The following DLG5 variants were observed in gnomAD, a reference collection of about 807,000 sequenced individuals.
DLG5 encodes discs large MAGUK scaffold protein 5.
DLG5 carries 48 observed loss-of-function variants against 189.8 expected under a neutral mutation model. The ratio of observed to expected loss-of-function variants is 0.25; its 90% confidence interval spans 0.20 to 0.32. The LOEUF (loss-of-function observed/expected upper bound fraction) is 0.32, where lower values mean the gene tolerates loss of function less well. Among genes scored for constraint, DLG5 ranks in the 10% least tolerant of loss-of-function variants. DLG5 has a pLI of 1.00. For synonymous variants in DLG5, 1,016 were observed against 1,054.1 expected (o/e 0.96, Z 0.70); for missense variants, 2,160 against 2,544.7 (o/e 0.85, Z 3.25).
chr10:77,852,396 G>A (rs1844023223), intron 5 of DLG5, among the ~76,000 whole-genome samples: 1 of 150,044 alleles, frequency 6.7e-6, no homozygotes, highest in African/African-American at 2.5e-5. Flanking sequence ...TAAAATAACA[G>A]GAATCACATT....
At chr10:77,935,091 C>T in the DLG5 span, among the ~76,000 whole-genome samples, 2 of 151,990 alleles carry the variant, frequency 1.3e-5, no homozygotes, top group Non-Finnish European at 2.9e-5. Context: ...CTCCTGACCT[C>T]GTGATCCGCC....
intron 1 of DLG5, among the ~76,000 whole-genome samples, chr10:77,871,663 C>T (rs571047650): frequency 1.3e-5 from 2 of 151,512 alleles, no homozygotes; most frequent in South Asian, 4.2e-4. Flanking sequence ...CTGCCCCAGC[C>T]TCCTGAGTAG....
upstream of DLG5, chr10:77,927,859 C>T (rs1425441898): frequency 1.3e-5 from 2 of 152,220 alleles, no homozygotes; most frequent in Non-Finnish European, 2.9e-5. Flanking sequence ...ACTCTGACTG[C>T]GCTCAGTGAT....
At position 77,805,723 on chromosome 10, in the gene DLG5, G is replaced by A. The variant is rs112842364; in HGVS notation, c.5106C>T (p.Asp1702=). ...CATCCAAGGCGAGCAGGTCTTTCCC[G>A]TCCTTGGACCCGCTGCGTTTGTGCT... ...KHKHKRSGSK[D]GKDLLALDAF... Residue 1702 remains aspartate (D), a synonymous_variant, in exon 27 of 32, where the codon GAC becomes GAT. Transcript: ENST00000372391. 488 of 1,614,142 alleles carry A rather than the reference G, an allele frequency of 3.0e-4. No individual in the cohort carries two copies. The highest frequency in any genetic ancestry group is 3.7e-4 in the Non-Finnish European group (442 of 1,180,026).
At chr10:77,808,898 C>T (rs915456531) in intron 24 of DLG5, among the ~76,000 whole-genome samples, 1 of 152,096 alleles carries the variant, frequency 6.6e-6, no homozygotes, top group African/African-American at 2.4e-5. Context: ...AGTTTGAGAC[C>T]AGCCTGGCCA....
chr10:77,901,559 C>T lies in DLG5; in HGVS notation c.304+24658G>A, dbSNP rs1205028574. Among the ~76,000 whole-genome samples the T allele has an allele frequency of 9.2e-5, 14 of 152,346 alleles. No individual in the cohort carries two copies. In the East Asian group the frequency reaches 2.7e-3, roughly 29 times the overall value. On this transcript the variant is annotated intron_variant, in intron 1 of 31. Transcript: ENST00000372391. The stretch of plus-strand genomic sequence containing the variant: ...TGCATCGCATCAGAAAGGCAGCATC[C>T]GTGACTTCTGCGGTCCACGCTGACG...
In DLG5 at chr10:77,792,505, G is replaced by A; in HGVS notation, c.5695C>T (p.Gln1899Ter). 1 of 1,614,194 alleles carries A rather than the reference G, an allele frequency of 6.2e-7. No homozygotes were observed. The highest frequency in any genetic ancestry group is 8.5e-7 in the Non-Finnish European group (1 of 1,180,038). The change falls in exon 32 of 32, where the codon CAG (glutamine) becomes TAG (stop). Residue 1899 changes from glutamine (Q) to a stop codon, truncating the protein, a stop_gained. Coordinates refer to ENST00000372391, the MANE Select transcript of DLG5 (RefSeq NM_004747.4). LOFTEE classifies it high-confidence loss of function. ...QGGALSSICT[Q>*]ILAMVNQEQN... ...TCTTGATTGACCATTGCCAAGATCT[G>A]AGTGCAAATGCTTGACAGGGCTCCT...
chr10:77,853,676 A>G, intron 4 of DLG5, 139 bp from the exon 5 acceptor site: 1 of 870,138 alleles, frequency 1.1e-6, no homozygotes. Context: ...GGTCTGTAGC[A>G]CTCAGAGGCA....
rs200862084 is a variant in DLG5 at position 77,819,302 on chromosome 10, G to A, written c.3671+19C>T. ...TTGGGCAGCTGGAGTACAGAGAAGC[G>A]TAGGGTGCCTTCACATACCTGGGAT... On this transcript the variant is annotated intron_variant, in intron 17 of 31. Coordinates refer to ENST00000372391, the MANE Select transcript of DLG5 (RefSeq NM_004747.4). 1,046 of 1,613,550 alleles carry A rather than the reference G, an allele frequency of 6.5e-4. No individual in the cohort carries two copies. Among genetic ancestry groups the A allele is most frequent in the Non-Finnish European group, 7.8e-4 (918 of 1,179,904 alleles).
intron 5 of DLG5, among the ~76,000 whole-genome samples, chr10:77,848,418 T>C (rs749280994): frequency 3.9e-5 from 6 of 152,068 alleles, no homozygotes; most frequent in Non-Finnish European, 8.8e-5. Flanking sequence ...GAGAAGACTC[T>C]CGGGGCCTGA....
rs1840674184 is a variant in DLG5, at chr10:77,792,257, G to C, written c.*183C>G. ...TGACACGGGCAGAGTGTGTGGGCCT[G>C]GGCCTGGATCGCACGCAGCCGTGGC... On this transcript the variant is annotated 3_prime_UTR_variant, in exon 32 of 32. Transcript: ENST00000372391. 2 of 628,378 alleles carry C rather than the reference G, an allele frequency of 3.2e-6. No homozygotes were observed. Among genetic ancestry groups the C allele is most frequent in the Admixed American group, 5.5e-5 (2 of 36,414 alleles). The allele number at this position is 628,378 out of a possible 1,614,324, so 38.9% of individuals were successfully genotyped here. A position where few individuals can be genotyped will look rare whatever the true frequency, so the allele number is the denominator to read the frequency against.
At chr10:77,817,205 G>A (rs1301790163) in intron 18 of DLG5, 109 bp from the exon 19 acceptor site, 1 of 990,132 alleles carries the variant, frequency 1.0e-6, no homozygotes, top group Non-Finnish European at 1.6e-6. Context: ...GCTGGGCCCT[G>A]CTGTTTATTC....
At chr10:77,896,728 A>G (rs1845771022) in intron 1 of DLG5, among the ~76,000 whole-genome samples, 1 of 152,020 alleles carries the variant, frequency 6.6e-6, no homozygotes, top group African/African-American at 2.4e-5. Flanking sequence ...CTGAGGCAGG[A>G]GAATCGCTTG....
chr10:77,794,710 C>A, intron 30 of DLG5, 139 bp downstream of exon 30: 1 of 649,316 alleles, frequency 1.5e-6, no homozygotes, highest in Non-Finnish European at 2.7e-6. Flanking sequence ...TCATTTTCTA[C>A]ACGTACTGCC....
chr10:77,902,205 C>A lies in DLG5; in HGVS notation c.304+24012G>T, dbSNP rs140543182. On this transcript the variant is annotated intron_variant, in intron 1 of 31. Coordinates refer to ENST00000372391, the MANE Select transcript of DLG5 (RefSeq NM_004747.4). ...GAACCCCTGGGGTCCAGCCCACACCCAGGTTCTGATTCACAGACCTAGGGT... is the reference window on the plus strand; with the variant it reads ...GAACCCCTGGGGTCCAGCCCACACCAAGGTTCTGATTCACAGACCTAGGGT... Among the ~76,000 whole-genome samples, 173 of 152,316 alleles carry A rather than the reference C, an allele frequency of 1.1e-3. 1 individual carries two copies. The highest frequency in any genetic ancestry group is 6.8e-3 in the Middle Eastern group (2 of 294).
chr10:77,823,718 C>T (rs1182383669), intron 14 of DLG5, among the ~76,000 whole-genome samples: 13 of 152,174 alleles, frequency 8.5e-5, no homozygotes, highest in Admixed American at 5.2e-4. Flanking sequence ...TTAGTAGAGA[C>T]GGGGTTTCTC....
chr10:77,895,974 C>T (rs1845746291), intron 1 of DLG5, among the ~76,000 whole-genome samples: 1 of 152,142 alleles, frequency 6.6e-6, no homozygotes, highest in Non-Finnish European at 1.5e-5. Flanking sequence ...TGTGGGGTCA[C>T]TGGCCTCCTT....
the DLG5 span, among the ~76,000 whole-genome samples, chr10:77,935,634 C>T: frequency 0.012 from 1,823 of 152,298 alleles, 32 homozygotes; most frequent in African/African-American, 0.041. Context: ...AGCATGTGTA[C>T]ATGTGTCTGT....
At position 77,824,374 on chromosome 10, in the gene DLG5, C is replaced by T. The variant is rs1842511587; in HGVS notation, c.2382+10G>A. 9 of 1,604,298 alleles carry T rather than the reference C, an allele frequency of 5.6e-6. No individual in the cohort carries two copies. Among genetic ancestry groups the T allele is most frequent in the Non-Finnish European group, 7.7e-6 (9 of 1,171,702 alleles). On this transcript the variant is annotated intron_variant, in intron 14 of 31. Coordinates refer to ENST00000372391, the MANE Select transcript of DLG5 (RefSeq NM_004747.4). ...CTGACCGTGAGAGCAGAGCCAGGTC[C>T]AGCCCTTACCTTCAGGAGGGACAGG...
Sources: allele counts gnomAD v4.1 joint callset (sites outside exome capture counted in the v4.1 genomes callset), GRCh38; gene constraint gnomAD v4.1.1; transcripts MANE v1.5; gene names NCBI Gene and HGNC (gene_info 2026-07-23, HGNC 2026-07-21).